ZNF704: variants seen among roughly 807,000 people sequenced by gnomAD.
ZNF704 encodes zinc finger protein 704, also known as glucocorticoid induced gene 1.
In ZNF704, 10 loss-of-function variants were observed where a neutral mutation model predicts 44.7. The observed-to-expected ratio is 0.22, with a 90% CI of 0.14 to 0.38. The LOEUF is 0.38. Ranked by LOEUF, ZNF704 falls within the 10% of genes least tolerant of loss-of-function variation. The probability of loss-of-function intolerance (pLI) is 1.00; values close to 1 mark genes in which losing one functional copy is unlikely to be tolerated. For missense variants in ZNF704, 390 were observed against 545.5 expected, an observed-to-expected ratio of 0.71 and a Z score of 2.84; for synonymous variants, 211 against 207.6, an observed-to-expected ratio of 1.02 and a Z score of -0.14.
intron 2 of ZNF704, among the ~76,000 whole-genome samples, chr8:80,781,822 C>A (rs1409931521): frequency 6.6e-6 from 1 of 152,154 alleles, no homozygotes; most frequent in Non-Finnish European, 1.5e-5. Flanking sequence ...TTGGCAAACA[C>A]AGCTTATCGA....
At chr8:80,770,083 G>A (rs1177265754) in intron 2 of ZNF704, among the ~76,000 whole-genome samples, 7 of 152,128 alleles carry the variant, frequency 4.6e-5, no homozygotes, top group Non-Finnish European at 4.4e-5. Context: ...TCACCATCAT[G>A]AGAACAGCAC....
chr8:80,785,861 C>G (rs930858057), intron 2 of ZNF704, among the ~76,000 whole-genome samples: 2 of 152,116 alleles, frequency 1.3e-5, no homozygotes, highest in African/African-American at 2.4e-5. Flanking sequence ...GGTGGGTGTT[C>G]TTCTTGCTAC....
chr8:80,851,719 T>C (rs1021510085), intron 1 of ZNF704, among the ~76,000 whole-genome samples: 3 of 151,968 alleles, frequency 2.0e-5, no homozygotes, highest in Non-Finnish European at 4.4e-5. Context: ...AAACTTAAAG[T>C]ATAATAATAA....
chr8:80,878,690 A>C (rs1199819730), upstream of ZNF704, among the ~76,000 whole-genome samples: 4 of 152,268 alleles, frequency 2.6e-5, no homozygotes, highest in Non-Finnish European at 5.9e-5. Flanking sequence ...TACAACCTTC[A>C]GGCTGAAAGC....
At chr8:80,699,720 G>T (rs993012942) in intron 2 of ZNF704, among the ~76,000 whole-genome samples, 3 of 152,182 alleles carry the variant, frequency 2.0e-5, no homozygotes, top group Middle Eastern at 3.2e-3. Flanking sequence ...ACTTTGAGTA[G>T]CATGAAGCTA....
At chr8:80,865,845 A>G (rs761692581) in intron 1 of ZNF704, among the ~76,000 whole-genome samples, 6 of 152,134 alleles carry the variant, frequency 3.9e-5, no homozygotes, top group Non-Finnish European at 5.9e-5. Flanking sequence ...GTGTTACTGC[A>G]AAGTTCTGAC....
chr8:80,797,803 T>C (rs568155132), intron 2 of ZNF704, among the ~76,000 whole-genome samples: 10 of 152,274 alleles, frequency 6.6e-5, no homozygotes, highest in East Asian at 1.9e-4. Flanking sequence ...ACTGATCTCC[T>C]CAGTAAAGGT....
intron 8 of ZNF704, among the ~76,000 whole-genome samples, chr8:80,641,826 C>G (rs1033648650): frequency 6.6e-6 from 1 of 152,150 alleles, no homozygotes; most frequent in Non-Finnish European, 1.5e-5. Flanking sequence ...GCGCTGCACT[C>G]CAGCCTGGGA....
intron 7 of ZNF704, among the ~76,000 whole-genome samples, chr8:80,646,692 A>C (rs1001500077): frequency 6.6e-6 from 1 of 152,134 alleles, no homozygotes; most frequent in Non-Finnish European, 1.5e-5. Context: ...CAAGAGCAGA[A>C]TCCTCCTCAC....
chr8:80,796,238 CAG>C (rs1052755242), intron 2 of ZNF704, among the ~76,000 whole-genome samples: 5 of 152,198 alleles, frequency 3.3e-5, no homozygotes, highest in Non-Finnish European at 1.5e-5. Context: ...GAACTCTCTG[CAG>C]AGTCGTAAGG....
At chr8:80,826,698 CA>C (rs1808383002) in intron 1 of ZNF704, among the ~76,000 whole-genome samples, 1 of 152,148 alleles carries the variant, frequency 6.6e-6, no homozygotes, top group African/African-American at 2.4e-5. Flanking sequence ...AAACCGAATC[CA>C]GCAGCATATC....
At chr8:80,824,656 G>A (rs951650199) in intron 1 of ZNF704, among the ~76,000 whole-genome samples, 7 of 152,192 alleles carry the variant, frequency 4.6e-5, no homozygotes, top group African/African-American at 1.4e-4. Context: ...AGGAAAAAAT[G>A]TTAAGGGCAG....
intron 1 of ZNF704, among the ~76,000 whole-genome samples, chr8:80,845,067 T>A (rs140514820): frequency 8.5e-5 from 13 of 152,308 alleles, no homozygotes; most frequent in African/African-American, 7.2e-5. Context: ...TACAGAACTA[T>A]TCTATTCTAT....
chr8:80,766,052 CCTTCT>C (rs1488945125), intron 2 of ZNF704, among the ~76,000 whole-genome samples: 1 of 152,088 alleles, frequency 6.6e-6, no homozygotes, highest in Non-Finnish European at 1.5e-5. Flanking sequence ...AATTACTACT[CCTTCT>C]CTTGTTTTGG....
In ZNF704 at chr8:80,758,000, GC is replaced by G. The variant is rs539843500; in HGVS notation, c.221+63373del. Among the ~76,000 whole-genome samples the G allele has an allele frequency of 5.6e-3, 859 of 152,244 alleles. 8 individuals carry two copies. Among genetic ancestry groups the G allele is most frequent in the African/African-American group, 0.02 (822 of 41,526 alleles). ...CATGACTGTAATTGAAGGGCACTGG[GC>G]TTTCTTTCTTATACCTATGGCCAAT... On this transcript the variant is annotated intron_variant, in intron 2 of 8. Transcript: ENST00000327835.
intron 2 of ZNF704, among the ~76,000 whole-genome samples, chr8:80,718,626 G>C (rs952908363): frequency 3.3e-5 from 5 of 152,160 alleles, no homozygotes; most frequent in Admixed American, 2.0e-4. Flanking sequence ...CAAGGCAGAT[G>C]AGAGTCATGA....
intron 2 of ZNF704, among the ~76,000 whole-genome samples, chr8:80,766,925 C>T (rs1807237839): frequency 6.6e-6 from 1 of 152,126 alleles, no homozygotes; most frequent in Admixed American, 6.5e-5. Flanking sequence ...ACTGGCCAGG[C>T]TCGTCTTGAA....
At chr8:80,754,260 T>G (rs1806998389) in intron 2 of ZNF704, among the ~76,000 whole-genome samples, 1 of 152,132 alleles carries the variant, frequency 6.6e-6, no homozygotes, top group African/African-American at 2.4e-5. Context: ...CTCCCATAAA[T>G]GCAACACCAA....
At chr8:80,677,154 T>C (rs1431550388) in intron 4 of ZNF704, among the ~76,000 whole-genome samples, 3 of 152,232 alleles carry the variant, frequency 2.0e-5, no homozygotes, top group Non-Finnish European at 4.4e-5. Flanking sequence ...CTGAATATAA[T>C]AGTAATTATT....
Sources: allele counts gnomAD v4.1 joint callset (sites outside exome capture counted in the v4.1 genomes callset), GRCh38; gene constraint gnomAD v4.1.1; transcripts MANE v1.5; gene names NCBI Gene and HGNC (gene_info 2026-07-23, HGNC 2026-07-21).